FRMD4B: variants seen among roughly 807,000 people sequenced by gnomAD.
The protein encoded by FRMD4B is FERM domain containing 4B, also known as FERM domain-containing protein 4B.
FRMD4B carries 74 observed loss-of-function variants against 141.5 expected under a neutral mutation model. That is an observed-to-expected ratio of 0.52 (90% confidence interval 0.43 to 0.63). The LOEUF is 0.63. Among genes scored for constraint, FRMD4B ranks in the 30% least tolerant of loss-of-function variants. FRMD4B has a pLI of 0.00. For synonymous variants in FRMD4B, 506 were observed against 467.9 expected, an observed-to-expected ratio of 1.08 and a Z score of -1.05; for missense variants, 1,366 against 1,253.4, an observed-to-expected ratio of 1.09 and a Z score of -1.36.
intron 1 of FRMD4B, among the ~76,000 whole-genome samples, chr3:69,526,570 G>C (rs1333840642): frequency 6.6e-6 from 1 of 152,136 alleles, no homozygotes; most frequent in Non-Finnish European, 1.5e-5. Context: ...TTGAATTCCG[G>C]CTTCATCACT....
At chr3:69,461,623 CAAAAAAAAAAAAA>C (rs58143332) in intron 1 of FRMD4B, among the ~76,000 whole-genome samples, 1 of 43,464 alleles carries the variant, frequency 2.3e-5, no homozygotes, top group Middle Eastern at 0.033. Context: ...GACTCTGTCT[CAAAAAAAAAAAAA>C]AAAAAAAAAA....
At chr3:69,355,453 CA>C (rs1174137160) in intron 1 of FRMD4B, among the ~76,000 whole-genome samples, 5 of 152,106 alleles carry the variant, frequency 3.3e-5, no homozygotes, top group African/African-American at 1.2e-4. Context: ...AGTAAAAACT[CA>C]ATACATGGTA....
At chr3:69,504,412 T>C (rs1706560300) in intron 1 of FRMD4B, among the ~76,000 whole-genome samples, 1 of 152,146 alleles carries the variant, frequency 6.6e-6, no homozygotes, top group African/African-American at 2.4e-5. Flanking sequence ...ATCACCACAA[T>C]CTAAGTTTGG....
At chr3:69,450,463 A>C (rs980525049) in intron 1 of FRMD4B, among the ~76,000 whole-genome samples, 7 of 152,162 alleles carry the variant, frequency 4.6e-5, no homozygotes, top group Middle Eastern at 3.4e-3. Flanking sequence ...TCAAAAAAAA[A>C]CAAAATAGGC....
At chr3:69,505,325 C>T (rs1188898720) in intron 1 of FRMD4B, among the ~76,000 whole-genome samples, 1 of 152,124 alleles carries the variant, frequency 6.6e-6, no homozygotes, top group African/African-American at 2.4e-5. Context: ...TTACAGTGAG[C>T]TATGATCGCA....
intron 5 of FRMD4B, among the ~76,000 whole-genome samples, chr3:69,282,572 G>C (rs1451956989): frequency 6.6e-6 from 1 of 152,190 alleles, no homozygotes; most frequent in Non-Finnish European, 1.5e-5. Flanking sequence ...TTGCTTGAAA[G>C]CTGCTTTATC....
chr3:69,351,283 GAA>G (rs1703141101), intron 1 of FRMD4B, among the ~76,000 whole-genome samples: 6 of 152,070 alleles, frequency 3.9e-5, no homozygotes, highest in Admixed American at 3.9e-4. Context: ...CATTAAGCAA[GAA>G]AAAAGTCTTA....
intron 11 of FRMD4B, among the ~76,000 whole-genome samples, chr3:69,210,897 C>G (rs2093069937): frequency 6.6e-6 from 1 of 151,934 alleles, no homozygotes; most frequent in Non-Finnish European, 1.5e-5. Context: ...CCTGTAATCC[C>G]AGCTACTTGG....
chr3:69,335,372 A>ATTT lies in FRMD4B; in HGVS notation c.163-21858_163-21856dup, dbSNP rs35424718. On this transcript the variant is annotated intron_variant, in intron 1 of 22. Transcript: ENST00000398540. ...CATAACTTTTTTTTTTCATTATTGC[A>ATTT]TTTTTTTTTTTTTTTTCCGAGACAG... Among the ~76,000 whole-genome samples, 10 of 133,828 alleles carry ATTT rather than the reference A, an allele frequency of 7.5e-5. 1 individual carries two copies. Among genetic ancestry groups the ATTT allele is most frequent in the African/African-American group, 1.7e-4 (6 of 35,606 alleles). The allele number at this position is 133,828 out of a possible 152,430, so 87.8% of individuals were successfully genotyped here.
chr3:69,443,199 G>A (rs1559528882), intron 1 of FRMD4B, among the ~76,000 whole-genome samples: 1 of 152,164 alleles, frequency 6.6e-6, no homozygotes, highest in East Asian at 1.9e-4. Context: ...TCAGTCACCA[G>A]TGGCCACAAT....
intron 1 of FRMD4B, among the ~76,000 whole-genome samples, chr3:69,322,260 C>G (rs1467477324): frequency 2.6e-5 from 4 of 152,076 alleles, no homozygotes; most frequent in Non-Finnish European, 5.9e-5. Flanking sequence ...TGATGTCAAC[C>G]CTAGCTGAAC....
At chr3:69,230,154 T>C (rs1279791741) in intron 7 of FRMD4B, among the ~76,000 whole-genome samples, 1 of 151,892 alleles carries the variant, frequency 6.6e-6, no homozygotes, top group Non-Finnish European at 1.5e-5. Flanking sequence ...TTTTTTGTAT[T>C]TTTAGTAGAG....
intron 1 of FRMD4B, among the ~76,000 whole-genome samples, chr3:69,331,346 C>A (rs1702365375): frequency 6.6e-6 from 1 of 152,212 alleles, no homozygotes; most frequent in Non-Finnish European, 1.5e-5. Flanking sequence ...CGGCGTAGGG[C>A]GGTGGTTGGG....
Position 69,182,621 on chromosome 3 carries a change from GTTT to G in FRMD4B, c.2013_2015del (p.Asn672del). The stretch of plus-strand genomic sequence containing the variant: ...ACTCCAAGTGGCTGCTGCTGTAGGC[GTTT>G]CGGGTAAGAACTGGCGTGGTGGGCA... On this transcript the variant is annotated inframe_deletion, in exon 20 of 23. Transcript: ENST00000398540. 1 of 1,612,448 alleles carries G rather than the reference GTTT, an allele frequency of 6.2e-7. No individual in the cohort carries two copies. Among genetic ancestry groups the G allele is most frequent in the Non-Finnish European group, 8.5e-7 (1 of 1,179,528 alleles).
At chr3:69,478,091 C>A (rs1175594288) in intron 1 of FRMD4B, among the ~76,000 whole-genome samples, 2 of 152,092 alleles carry the variant, frequency 1.3e-5, no homozygotes, top group East Asian at 3.8e-4. Flanking sequence ...TGATTCTTCT[C>A]TCTTTTCTTC....
intron 11 of FRMD4B, among the ~76,000 whole-genome samples, chr3:69,209,893 G>A (rs2093059211): frequency 6.6e-6 from 1 of 152,184 alleles, no homozygotes; most frequent in Non-Finnish European, 1.5e-5. Context: ...CTAGGTCCAA[G>A]GTGGTATGGT....
chr3:69,455,877 A>ACT (rs942695462), intron 1 of FRMD4B, among the ~76,000 whole-genome samples: 1 of 152,038 alleles, frequency 6.6e-6, no homozygotes, highest in African/African-American at 2.4e-5. Context: ...TGAGACTTCT[A>ACT]CTCTAGGTTC....
intron 11 of FRMD4B, among the ~76,000 whole-genome samples, chr3:69,212,376 A>AAAAT (rs2093092611): frequency 1.1e-5 from 1 of 89,798 alleles, no homozygotes; most frequent in Non-Finnish European, 2.2e-5. Context: ...AAAAAAAAAA[A>AAAAT]AAAAGAAAAA....
In FRMD4B at chr3:69,409,766, T is replaced by C. The variant is rs34772648; in HGVS notation, c.-1+22868A>G. On this transcript the variant is annotated intron_variant, in intron 2 of 5. Coordinates refer to the FRMD4B transcript ENST00000459638. ...CTTCTCTGCATATAGAAAGCTCAGATGTGAGGACTAAACTGCCACAGCCAT... is the reference window on the plus strand; with the variant it reads ...CTTCTCTGCATATAGAAAGCTCAGACGTGAGGACTAAACTGCCACAGCCAT... Among the ~76,000 whole-genome samples the C allele has an allele frequency of 7.0e-3, 1,058 of 151,690 alleles. 16 individuals carry two copies. Among genetic ancestry groups the C allele is most frequent in the African/African-American group, 0.024 (994 of 41,024 alleles).
Sources: allele counts gnomAD v4.1 joint callset (sites outside exome capture counted in the v4.1 genomes callset), GRCh38; gene constraint gnomAD v4.1.1; transcripts MANE v1.5; gene names NCBI Gene and HGNC (gene_info 2026-07-23, HGNC 2026-07-21).